CDH18: variants seen among roughly 807,000 people sequenced by gnomAD.
CDH18 encodes cadherin 18, also known as cadherin-18.
Under a neutral mutation model 67.9 loss-of-function variants are expected in CDH18, and 31 were observed. That is an observed-to-expected ratio of 0.46 (90% CI 0.34 to 0.62). CDH18 has a LOEUF of 0.62. Ranked by LOEUF, CDH18 falls within the 20% of genes least tolerant of loss-of-function variation. CDH18 has a pLI of 0.01. For missense variants in CDH18, 890 were observed against 975.5 expected, an observed-to-expected ratio of 0.91 and a Z score of 1.17; for synonymous variants, 362 against 347.2, an observed-to-expected ratio of 1.04 and a Z score of -0.48.
chr5:20,316,395 G>A (rs1158021649), intron 1 of CDH18, among the ~76,000 whole-genome samples: 2 of 152,026 alleles, frequency 1.3e-5, no homozygotes, highest in African/African-American at 4.8e-5. Context: ...GTGGTTGCAA[G>A]TAGATATTCT....
chr5:20,067,041 A>C (rs1489944228), intron 2 of CDH18, among the ~76,000 whole-genome samples: 1 of 152,004 alleles, frequency 6.6e-6, no homozygotes, highest in African/African-American at 2.4e-5. Flanking sequence ...AATAATACAA[A>C]TAAAAAAATC....
At chr5:19,763,694 G>A (rs1772669936) in intron 3 of CDH18, among the ~76,000 whole-genome samples, 1 of 152,042 alleles carries the variant, frequency 6.6e-6, no homozygotes, top group Admixed American at 6.6e-5. Context: ...TGGATGAACT[G>A]AACACTAAAA....
intron 5 of CDH18, among the ~76,000 whole-genome samples, chr5:19,672,123 C>G (rs1228212722): frequency 6.6e-6 from 1 of 152,148 alleles, no homozygotes; most frequent in African/African-American, 2.4e-5. Flanking sequence ...CACAAAGCCA[C>G]TGTAGAATCC....
At chr5:20,344,418 G>C (rs1380255530) in intron 1 of CDH18, among the ~76,000 whole-genome samples, 1 of 152,058 alleles carries the variant, frequency 6.6e-6, no homozygotes, top group African/African-American at 2.4e-5. Context: ...GGTATGGGTA[G>C]ATACCTTTAC....
intron 2 of CDH18, among the ~76,000 whole-genome samples, chr5:19,905,840 A>T (rs13187064): frequency 6.6e-6 from 1 of 152,080 alleles, no homozygotes. Context: ...GGGAAGACTG[A>T]CAAGTCATGA....
chr5:20,375,068 T>G (rs1743304688), intron 1 of CDH18, among the ~76,000 whole-genome samples: 1 of 152,224 alleles, frequency 6.6e-6, no homozygotes, highest in Admixed American at 6.5e-5. Context: ...TGACTCTTAT[T>G]GGGCAGTGCA....
upstream of CDH18, among the ~76,000 whole-genome samples, chr5:19,991,575 A>T (rs1332034638): frequency 1.3e-5 from 2 of 152,194 alleles, no homozygotes; most frequent in Non-Finnish European, 2.9e-5. Flanking sequence ...TTTGGTTAGC[A>T]AGAACTATAG....
At chr5:19,748,768 C>T (rs936139160) in intron 3 of CDH18, among the ~76,000 whole-genome samples, 1 of 151,850 alleles carries the variant, frequency 6.6e-6, no homozygotes, top group Non-Finnish European at 1.5e-5. Context: ...AAAGACAATG[C>T]AATATGAGAA....
At chr5:20,422,347 C>T (rs540943751) in intron 1 of CDH18, among the ~76,000 whole-genome samples, 1 of 150,968 alleles carries the variant, frequency 6.6e-6, no homozygotes, top group Non-Finnish European at 1.5e-5. Context: ...TGATAAGATA[C>T]TTATTTTAAA....
chr5:19,647,590 G>T (rs1043772534), intron 5 of CDH18, among the ~76,000 whole-genome samples: 1 of 131,144 alleles, frequency 7.6e-6, no homozygotes, highest in Non-Finnish European at 1.6e-5. Context: ...CTGGAGGCTA[G>T]CAACAAGCAC....
chr5:20,360,048 T>TTATA (rs199755254), intron 1 of CDH18, among the ~76,000 whole-genome samples: 1 of 148,310 alleles, frequency 6.7e-6, no homozygotes, highest in African/African-American at 2.5e-5. Context: ...TAGTGACATT[T>TTATA]TATATATATA....
At chr5:20,082,465 G>A (rs1337068495) in intron 2 of CDH18, among the ~76,000 whole-genome samples, 1 of 152,160 alleles carries the variant, frequency 6.6e-6, no homozygotes, top group East Asian at 1.9e-4. Flanking sequence ...TAGTTATTAA[G>A]CCTAGTGGTC....
intron 1 of CDH18, among the ~76,000 whole-genome samples, chr5:20,540,762 C>A (rs1439259667): frequency 9.2e-5 from 14 of 152,176 alleles, no homozygotes. Flanking sequence ...CCAGGATTGC[C>A]TCTGGCAGAA....
intron 2 of CDH18, among the ~76,000 whole-genome samples, chr5:19,961,784 C>T (rs376088739): frequency 1.3e-5 from 2 of 151,908 alleles, no homozygotes; most frequent in East Asian, 3.9e-4. Flanking sequence ...TTTTGTTGTC[C>T]TGATTCCAGC....
At chr5:19,758,254 G>A (rs547068453) in intron 3 of CDH18, among the ~76,000 whole-genome samples, 1 of 152,172 alleles carries the variant, frequency 6.6e-6, no homozygotes, top group African/African-American at 2.4e-5. Context: ...AGTACAGGTC[G>A]CATGGTGACT....
chr5:20,183,121 T>C (rs1247516524), intron 2 of CDH18, among the ~76,000 whole-genome samples: 1 of 145,904 alleles, frequency 6.9e-6, no homozygotes, highest in East Asian at 2.1e-4. Flanking sequence ...TCATCCATTG[T>C]GGATATTAAA....
chr5:20,437,894 C>T (rs1443562425), intron 1 of CDH18, among the ~76,000 whole-genome samples: 2 of 151,172 alleles, frequency 1.3e-5, no homozygotes, highest in African/African-American at 4.9e-5. Context: ...AAAATGTTCA[C>T]ATTCTATTAC....
At chr5:19,730,627 T>G (rs1767461574) in intron 4 of CDH18, among the ~76,000 whole-genome samples, 1 of 152,206 alleles carries the variant, frequency 6.6e-6, no homozygotes, top group African/African-American at 2.4e-5. Flanking sequence ...AAACAATATT[T>G]GTGTACATTA....
chr5:19,867,995 TCTC>T (rs1785774886), intron 2 of CDH18, among the ~76,000 whole-genome samples: 1 of 152,132 alleles, frequency 6.6e-6, no homozygotes, highest in African/African-American at 2.4e-5. Context: ...GCTCAGCACT[TCTC>T]CTTCCTGCCA....
Sources: allele counts gnomAD v4.1 joint callset (sites outside exome capture counted in the v4.1 genomes callset), GRCh38; gene constraint gnomAD v4.1.1; transcripts MANE v1.5; gene names NCBI Gene and HGNC (gene_info 2026-07-23, HGNC 2026-07-21).